NRXN3: variants seen among roughly 807,000 people sequenced by gnomAD.
The protein encoded by NRXN3 is neurexin III.
Under a neutral mutation model 137.6 loss-of-function variants are expected in NRXN3, and 32 were observed. The ratio of observed to expected loss-of-function variants is 0.23; its 90% confidence interval spans 0.18 to 0.31. The LOEUF is 0.31. NRXN3 is among the 10% of genes least tolerant of loss of function. The pLI, the probability that NRXN3 is intolerant of heterozygous loss-of-function variation, is 1.00. For synonymous variants in NRXN3, 798 were observed against 784.5 expected, an observed-to-expected ratio of 1.02 and a Z score of -0.29; for missense variants, 1,574 against 2,062.5, an observed-to-expected ratio of 0.76 and a Z score of 4.59.
chr14:79,378,382 G>A (rs998418486), intron 15 of NRXN3, among the ~76,000 whole-genome samples: 6 of 152,162 alleles, frequency 3.9e-5, no homozygotes, highest in African/African-American at 1.2e-4. Context: ...GATGACCACC[G>A]TGGGATCCCT....
chr14:78,283,142 A>C (rs76052447), intron 3 of NRXN3: 1 of 152,226 alleles, frequency 6.6e-6, no homozygotes, highest in Non-Finnish European at 1.5e-5. Flanking sequence ...GGGGAGGAAG[A>C]AGAAGAACGA....
At chr14:79,421,691 G>T (rs2095577498) in intron 15 of NRXN3, among the ~76,000 whole-genome samples, 1 of 152,184 alleles carries the variant, frequency 6.6e-6, no homozygotes, top group African/African-American at 2.4e-5. Context: ...CATAGAGGTT[G>T]TTTCTTGCTT....
chr14:78,800,784 T>C (rs1323925114), intron 8 of NRXN3, among the ~76,000 whole-genome samples: 1 of 152,218 alleles, frequency 6.6e-6, no homozygotes, highest in Non-Finnish European at 1.5e-5. Flanking sequence ...TTCACTTCTT[T>C]CTAGATATGA....
At chr14:79,808,426 T>G (rs986065662) in intron 20 of NRXN3, among the ~76,000 whole-genome samples, 1 of 151,990 alleles carries the variant, frequency 6.6e-6, no homozygotes, top group African/African-American at 2.4e-5. Context: ...CATTTACACA[T>G]CTTTGACATA....
At chr14:78,329,968 G>A (rs2153568725) in intron 4 of NRXN3, among the ~76,000 whole-genome samples, 1 of 152,194 alleles carries the variant, frequency 6.6e-6, no homozygotes, top group South Asian at 2.1e-4. Flanking sequence ...GGTTATTATT[G>A]CAGTTACGAG....
intron 15 of NRXN3, among the ~76,000 whole-genome samples, chr14:79,359,846 C>A (rs1428932311): frequency 2.6e-5 from 4 of 152,100 alleles, no homozygotes; most frequent in Non-Finnish European, 4.4e-5. Flanking sequence ...AGGACAGTCA[C>A]CCCCACTATT....
rs552094363 is a variant in NRXN3, at chr14:79,068,949, C to A, written c.3262+80808C>A. 3.3e-5 allele frequency among the ~76,000 whole-genome samples: 5 copies of A among 152,030 alleles called. No individual in the cohort carries two copies. The South Asian group carries it at 8.3e-4, about 25-fold the overall frequency. On this transcript the variant is annotated intron_variant, in intron 15 of 20. Transcript: ENST00000335750. ...CCTTAGGCAGTATAAATTCTGAATA[C>A]CTTTAATTTGATTAACTTGTTAATA...
intron 15 of NRXN3, among the ~76,000 whole-genome samples, chr14:79,436,121 C>G (rs1266768256): frequency 6.6e-6 from 1 of 151,988 alleles, no homozygotes; most frequent in Non-Finnish European, 1.5e-5. Context: ...TTGGGGGACA[C>G]TGCTCCAAAA....
intron 16 of NRXN3, among the ~76,000 whole-genome samples, chr14:79,520,738 G>A (rs2153702462): frequency 6.6e-6 from 1 of 152,272 alleles, no homozygotes; most frequent in African/African-American, 2.4e-5. Flanking sequence ...ATGCAAGTTA[G>A]AATGACAGTC....
chr14:78,190,625 T>G (rs529571878), intron 1 of NRXN3, among the ~76,000 whole-genome samples: 49 of 70,764 alleles, frequency 6.9e-4, no homozygotes, highest in African/African-American at 3.4e-3. Context: ...ATTTATTTAT[T>G]TATTTATTTA....
intron 17 of NRXN3, among the ~76,000 whole-genome samples, chr14:79,671,199 G>A (rs1301744362): frequency 6.6e-6 from 1 of 152,140 alleles, no homozygotes; most frequent in Non-Finnish European, 1.5e-5. Flanking sequence ...CTATGGGAGT[G>A]TAGCTTAGTT....
chr14:78,189,795 AG>A (rs528334063), intron 1 of NRXN3, among the ~76,000 whole-genome samples: 267 of 152,256 alleles, frequency 1.8e-3, no homozygotes, highest in African/African-American at 6.3e-3. Flanking sequence ...CATGTTGGTG[AG>A]GCTGGTCTCA....
chr14:78,254,696 T>C (rs1361419256), intron 2 of NRXN3, among the ~76,000 whole-genome samples: 1 of 140,972 alleles, frequency 7.1e-6, no homozygotes, highest in East Asian at 2.1e-4. Flanking sequence ...AAAAAAAAGA[T>C]TGGAAGTTCT....
intron 4 of NRXN3, among the ~76,000 whole-genome samples, chr14:78,469,809 C>T (rs1599072836): frequency 6.6e-6 from 1 of 152,288 alleles, no homozygotes; most frequent in South Asian, 2.1e-4. Flanking sequence ...CCACCATTTC[C>T]TTTGAGAAGG....
chr14:79,722,029 T>G (rs2098846394), intron 19 of NRXN3, among the ~76,000 whole-genome samples: 1 of 152,196 alleles, frequency 6.6e-6, no homozygotes, highest in South Asian at 2.1e-4. Flanking sequence ...ATCTCTGCTG[T>G]TTTATTGTTC....
chr14:78,282,209 G>A (rs538638132), intron 3 of NRXN3: 11 of 473,976 alleles, frequency 2.3e-5, no homozygotes, highest in Admixed American at 1.8e-4. Flanking sequence ...TGGGCTGCTT[G>A]TAGGGCAGAG....
rs1040878286 is a variant in NRXN3, at chr14:79,089,733, C to T, written c.3262+101592C>T. Among the ~76,000 whole-genome samples the T allele has an allele frequency of 7.9e-5, 12 of 152,186 alleles. No homozygotes were observed. The East Asian group carries it at 2.3e-3, about 29-fold the overall frequency. On this transcript the variant is annotated intron_variant, in intron 15 of 20. Transcript: ENST00000335750. ...ATGACTGCAGAACTTTTCATTCACA[C>T]CCTCAAACTCGTGCAGAGAGAAGCC...
At chr14:78,956,942 C>G (rs762046424) in intron 10 of NRXN3, among the ~76,000 whole-genome samples, 14 of 152,214 alleles carry the variant, frequency 9.2e-5, no homozygotes, top group Non-Finnish European at 1.9e-4. Context: ...CTGCTAACTA[C>G]AGCTTCCTGT....
chr14:79,837,350 C>T (rs999540695), intron 20 of NRXN3, among the ~76,000 whole-genome samples: 2 of 151,922 alleles, frequency 1.3e-5, no homozygotes, highest in Non-Finnish European at 1.5e-5. Flanking sequence ...TAAAATGGGG[C>T]ACAGAGACTA....
Sources: allele counts gnomAD v4.1 joint callset (sites outside exome capture counted in the v4.1 genomes callset), GRCh38; gene constraint gnomAD v4.1.1; transcripts MANE v1.5; gene names NCBI Gene and HGNC (gene_info 2026-07-23, HGNC 2026-07-21).